The following AOAH variants were observed in gnomAD, a reference collection of about 807,000 sequenced individuals.
AOAH encodes the protein acyloxyacyl hydrolase (neutrophil).
AOAH carries 64 observed loss-of-function variants against 92.2 expected under a neutral mutation model. The observed-to-expected ratio is 0.69, with a 90% CI of 0.57 to 0.86. The LOEUF is 0.86. Ranked by LOEUF, AOAH falls within the 40% of genes least tolerant of loss-of-function variation. AOAH has a pLI of 0.00. For missense variants in AOAH, 656 were observed against 694.6 expected (o/e 0.94, Z 0.62); for synonymous variants, 263 against 254.5 (o/e 1.03, Z -0.32).
chr7:36,610,022 C>T (rs946177129), intron 11 of AOAH, among the ~76,000 whole-genome samples: 1 of 151,972 alleles, frequency 6.6e-6, no homozygotes, highest in African/African-American at 2.4e-5. Flanking sequence ...TGGCTATTGG[C>T]TAAGCCTGGT....
In AOAH at chr7:36,571,527, C is replaced by A. The variant is rs115715266; in HGVS notation, c.1021+5047G>T. Among the ~76,000 whole-genome samples, 125 of 152,326 alleles carry A rather than the reference C, an allele frequency of 8.2e-4. 1 individual carries two copies. The highest frequency in any genetic ancestry group is 2.9e-3 in the African/African-American group (120 of 41,584). ...AATTCCTATCCTTATCCCCTGGTTC[C>A]TCCCCAAGTGGAGTCCTGAGCCCAC... On this transcript the variant is annotated intron_variant, in intron 13 of 20. Transcript: ENST00000617537.
In AOAH at chr7:36,616,397, C is replaced by T; in HGVS notation, c.829G>A (p.Ala277Thr). The T allele has an allele frequency of 6.2e-7, 1 of 1,613,940 alleles. No homozygotes were observed. Among genetic ancestry groups the T allele is most frequent in the Non-Finnish European group, 8.5e-7 (1 of 1,179,792 alleles). Residue 277 changes from alanine to threonine, a missense_variant, in exon 11 of 21, where the codon GCG becomes ACG. Transcript: ENST00000617537. ...TTACTTACCAAAGACATCTGCGACG[C>T]TGTGATCCATTCAGGAGAGATGTGA... ...HFHISPEWIT[A>T]SQMSLNSFIN...
chr7:36,607,617 C>T (rs1231225123), intron 11 of AOAH, among the ~76,000 whole-genome samples: 14 of 152,298 alleles, frequency 9.2e-5, no homozygotes, highest in South Asian at 2.1e-4. Context: ...TACACTCTTC[C>T]GGTTATATTC....
intron 13 of AOAH, among the ~76,000 whole-genome samples, chr7:36,557,550 A>C (rs1786846213): frequency 6.6e-6 from 1 of 152,206 alleles, no homozygotes; most frequent in African/African-American, 2.4e-5. Context: ...AGATTGGGGA[A>C]GTTCTCCTGG....
chr7:36,580,196 T>A (rs1788833996), intron 12 of AOAH, among the ~76,000 whole-genome samples: 1 of 152,204 alleles, frequency 6.6e-6, no homozygotes, highest in Non-Finnish European at 1.5e-5. Flanking sequence ...TCTTCCTTTC[T>A]CTTTTTTCCC....
At chr7:36,621,170 C>T (rs1792252607) in intron 8 of AOAH, among the ~76,000 whole-genome samples, 1 of 152,178 alleles carries the variant, frequency 6.6e-6, no homozygotes, top group Non-Finnish European at 1.5e-5. Context: ...CCCTAAATGC[C>T]CAAATAACTG....
chr7:36,630,789 A>AAAG (rs1793019633), intron 6 of AOAH, among the ~76,000 whole-genome samples: 1 of 152,210 alleles, frequency 6.6e-6, no homozygotes, highest in African/African-American at 2.4e-5. Context: ...GCAGCATTGC[A>AAAG]AAGAAGTCAA....
chr7:36,555,380 G>A (rs1055849922), intron 13 of AOAH, among the ~76,000 whole-genome samples: 2 of 151,994 alleles, frequency 1.3e-5, no homozygotes, highest in African/African-American at 2.4e-5. Flanking sequence ...TGCTGGATTC[G>A]GTCTGCCAGT....
intron 13 of AOAH, among the ~76,000 whole-genome samples, chr7:36,556,773 T>G (rs1786755768): frequency 7.2e-6 from 1 of 138,028 alleles, no homozygotes; most frequent in African/African-American, 2.7e-5. Flanking sequence ...TTTGTTGGTT[T>G]AAAGTCTGTT....
In AOAH at chr7:36,517,222, T is replaced by TTCTTTCTTTCTCTTTCTC. The variant is rs1562854041; in HGVS notation, c.1600-3843_1600-3842insGAGAAAGAGAAAGAAAGA. On this transcript the variant is annotated intron_variant, in intron 20 of 20. Coordinates refer to ENST00000617537, the MANE Select transcript of AOAH (RefSeq NM_001637.4). ...TCTTTCTTTCTTTCTTTCTCTTTCT[T>TTCTTTCTTTCTCTTTCTC]TCTGTCTCTCTCTCTCTCTCTCTTT... Among the ~76,000 whole-genome samples, 207 of 67,296 alleles carry TTCTTTCTTTCTCTTTCTC rather than the reference T, an allele frequency of 3.1e-3. 1 individual carries two copies. Among genetic ancestry groups the TTCTTTCTTTCTCTTTCTC allele is most frequent in the African/African-American group, 7.8e-3 (198 of 25,268 alleles). The allele number at this position is 67,296 out of a possible 152,430, so 44.1% of individuals were successfully genotyped here.
chr7:36,565,739 C>T (rs943907350), intron 13 of AOAH, among the ~76,000 whole-genome samples: 3 of 151,636 alleles, frequency 2.0e-5, no homozygotes, highest in Admixed American at 6.6e-5. Flanking sequence ...AGAGGGATCT[C>T]GCTATGCGCA....
At chr7:36,528,540 C>T (rs1784519420) in intron 19 of AOAH, among the ~76,000 whole-genome samples, 1 of 152,174 alleles carries the variant, frequency 6.6e-6, no homozygotes, top group African/African-American at 2.4e-5. Context: ...ACTTATAAAT[C>T]TGATGACTGA....
At chr7:36,539,344 A>G (rs1198206131) in intron 16 of AOAH, among the ~76,000 whole-genome samples, 9 of 152,166 alleles carry the variant, frequency 5.9e-5, no homozygotes, top group Admixed American at 5.9e-4. Context: ...AGGTGCTGTC[A>G]ATATGGGGCT....
rs118171110 is a variant in AOAH, at chr7:36,696,486, A to G, written c.128-9692T>C. On this transcript the variant is annotated intron_variant, in intron 1 of 20. Transcript: ENST00000617537. ...GTAGAGTAATAGCGTTTCTGCTGTT[A>G]AACTTATTCCTAAGTATTTTTATTA... Among the ~76,000 whole-genome samples, 485 of 152,312 alleles carry G rather than the reference A, an allele frequency of 3.2e-3. 6 individuals carry two copies. The highest frequency in any genetic ancestry group is 0.031 in the East Asian group (163 of 5,188).
chr7:36,686,834 GA>G (rs767575475), intron 1 of AOAH, 40 bp from the exon 2 acceptor site: 2 of 1,373,488 alleles, frequency 1.5e-6, no homozygotes, highest in Admixed American at 4.6e-5. Context: ...GTGTCACACA[GA>G]AAACTGAACT....
chr7:36,538,239 G>A (rs956299005), intron 16 of AOAH, among the ~76,000 whole-genome samples: 1 of 151,620 alleles, frequency 6.6e-6, no homozygotes, highest in Non-Finnish European at 1.5e-5. Flanking sequence ...TGTTGGCCAG[G>A]CTTGACTTGA....
intron 11 of AOAH, among the ~76,000 whole-genome samples, chr7:36,610,159 CAAAAAAA>C (rs71553082): frequency 1.8e-4 from 9 of 49,278 alleles, no homozygotes; most frequent in Non-Finnish European, 3.3e-4. Context: ...TCCATAATAG[CAAAAAAA>C]AAAAAAAAAA....
At chr7:36,696,750 C>T (rs1460745632) in intron 1 of AOAH, among the ~76,000 whole-genome samples, 1 of 151,826 alleles carries the variant, frequency 6.6e-6, no homozygotes, top group East Asian at 1.9e-4. Flanking sequence ...ATCCCAGCTA[C>T]TCGGGAGGCT....
At chr7:36,530,911 T>G (rs1784651729) in intron 18 of AOAH, among the ~76,000 whole-genome samples, 1 of 152,176 alleles carries the variant, frequency 6.6e-6, no homozygotes. Flanking sequence ...CCAGTAATTC[T>G]TCTAGGAATT....
Sources: allele counts gnomAD v4.1 joint callset (sites outside exome capture counted in the v4.1 genomes callset), GRCh38; gene constraint gnomAD v4.1.1; transcripts MANE v1.5; gene names NCBI Gene and HGNC (gene_info 2026-07-23, HGNC 2026-07-21).